Variants in IL1RAPL1 observed in about 807,000 individuals in gnomAD.
IL1RAPL1 encodes interleukin 1 receptor accessory protein like 1.
IL1RAPL1 carries 3 observed loss-of-function variants against 48.4 expected under a neutral mutation model. That is an observed-to-expected ratio of 0.06 (90% CI 0.03 to 0.16). IL1RAPL1 has a LOEUF of 0.16. Ranked by LOEUF, IL1RAPL1 falls within the 10% of genes least tolerant of loss-of-function variation. The pLI, the probability that IL1RAPL1 is intolerant of heterozygous loss-of-function variation, is 1.00. For synonymous variants in IL1RAPL1, 185 were observed against 187.7 expected, an observed-to-expected ratio of 0.99 and a Z score of 0.12; for missense variants, 349 against 530.6, an observed-to-expected ratio of 0.66 and a Z score of 3.36.
intron 6 of IL1RAPL1, among the ~76,000 whole-genome samples, chrX:29,705,606 A>T (rs1927172078): frequency 1.8e-5 from 2 of 112,363 alleles, no homozygotes; most frequent in South Asian, 3.7e-4. Context: ...GCAGACTAAC[A>T]TTCACAGTCA....
At chrX:29,057,429 T>C (rs971883299) in intron 2 of IL1RAPL1, among the ~76,000 whole-genome samples, 1 of 107,037 alleles carries the variant, frequency 9.3e-6, no homozygotes, top group Admixed American at 1.0e-4. Context: ...TTTTTTTTTC[T>C]TTTTTTTTCT....
At chrX:29,701,993 G>T (rs1927063802) in intron 6 of IL1RAPL1, among the ~76,000 whole-genome samples, 1 of 111,746 alleles carries the variant, frequency 8.9e-6, no homozygotes, top group Admixed American at 9.4e-5. Context: ...GGTGGCTCAT[G>T]CCTGTAATCC....
intron 2 of IL1RAPL1, among the ~76,000 whole-genome samples, chrX:29,173,650 G>A (rs775566042): frequency 8.9e-6 from 1 of 111,829 alleles, no homozygotes; most frequent in Non-Finnish European, 1.9e-5. Context: ...AGAGGAAATT[G>A]GTTGTGAAGA....
At chrX:28,978,969 A>T (rs1231431159) in intron 2 of IL1RAPL1, among the ~76,000 whole-genome samples, 1 of 111,929 alleles carries the variant, frequency 8.9e-6, no homozygotes, top group Non-Finnish European at 1.9e-5. Flanking sequence ...ACTAGATGGA[A>T]TCATCTGGAG....
rs1403013973 is a variant in IL1RAPL1 at position 29,701,566 on chromosome X, T to C, written c.778+33062T>C. Among the ~76,000 whole-genome samples the C allele has an allele frequency of 2.7e-5, 3 of 112,126 alleles. No individual in the cohort carries two copies. The Admixed American group carries it at 2.8e-4, about 11-fold the overall frequency. On this transcript the variant is annotated intron_variant, in intron 6 of 10. Coordinates refer to ENST00000378993, the MANE Select transcript of IL1RAPL1 (RefSeq NM_014271.4). ...AGTGGATAACTCAAAAGAATCTTCA[T>C]GTCTTTGAAGACTTCACCCACTTTG...
At chrX:28,741,451 C>T (rs1193921876) in intron 1 of IL1RAPL1, among the ~76,000 whole-genome samples, 1 of 111,641 alleles carries the variant, frequency 9.0e-6, no homozygotes, top group African/African-American at 3.3e-5. Context: ...AGACCTTTGT[C>T]AGATGGATAG....
chrX:29,634,669 C>G (rs868594482), intron 5 of IL1RAPL1, among the ~76,000 whole-genome samples: 7 of 111,197 alleles, frequency 6.3e-5, no homozygotes, highest in Middle Eastern at 4.6e-3. Flanking sequence ...ATGAAAATAT[C>G]AAAACTTCCC....
At chrX:29,802,997 G>GTGTACATA (rs1569173329) in intron 6 of IL1RAPL1, among the ~76,000 whole-genome samples, 2 of 42,108 alleles carry the variant, frequency 4.7e-5, no homozygotes, top group African/African-American at 2.2e-4. Flanking sequence ...ACATATATAT[G>GTGTACATA]TATGCATATA....
At chrX:29,373,845 G>T (rs868651980) in intron 3 of IL1RAPL1, among the ~76,000 whole-genome samples, 1 of 51,298 alleles carries the variant, frequency 1.9e-5, no homozygotes, top group African/African-American at 7.2e-5. Context: ...TTAATGTTTT[G>T]TTGTGATGAC....
At chrX:28,857,284 G>A (rs1226020801) in intron 2 of IL1RAPL1, among the ~76,000 whole-genome samples, 1 of 112,300 alleles carries the variant, frequency 8.9e-6, no homozygotes, top group Non-Finnish European at 1.9e-5. Context: ...AAGAGCTGTT[G>A]TAGAAGCTGC....
intron 5 of IL1RAPL1, among the ~76,000 whole-genome samples, chrX:29,428,923 T>C (rs1369584218): frequency 8.9e-6 from 1 of 111,928 alleles, no homozygotes; most frequent in East Asian, 2.8e-4. Flanking sequence ...AATTGAACTT[T>C]CTTTAGTGTA....
intron 1 of IL1RAPL1, among the ~76,000 whole-genome samples, chrX:28,761,963 A>G (rs769037734): frequency 1.8e-5 from 2 of 111,756 alleles, no homozygotes; most frequent in African/African-American, 3.2e-5. Context: ...TATCTATAAT[A>G]TGAGTCTAAT....
chrX:29,498,946 G>A (rs1263183935), intron 5 of IL1RAPL1, among the ~76,000 whole-genome samples: 1 of 112,079 alleles, frequency 8.9e-6, no homozygotes, highest in Non-Finnish European at 1.9e-5. Context: ...CAGATGAATA[G>A]CAGCAATAAA....
rs1448891950 is a variant in IL1RAPL1 at position 29,236,554 on chromosome X, T to C, written c.83-46384T>C. 5.7e-3 allele frequency among the ~76,000 whole-genome samples: 215 copies of C among 37,443 alleles called. 2 individuals carry two copies. The highest frequency in any genetic ancestry group is 0.011 in the African/African-American group (194 of 17,436). 32.5% of individuals were successfully genotyped at this position (37,443 alleles called of 115,157 possible). A position where few individuals can be genotyped will look rare whatever the true frequency, so the allele number is the denominator to read the frequency against. On this transcript the variant is annotated intron_variant, in intron 2 of 10. Transcript: ENST00000378993. Reference sequence around the variant, plus strand: ...CTTTTTCTTTTTTTTTCTTTTTTTTTTTTTTTTTTTTTTTTTGAGATGGAG... The same window carrying C: ...CTTTTTCTTTTTTTTTCTTTTTTTTCTTTTTTTTTTTTTTTTGAGATGGAG...
chrX:29,169,009 ATG>A (rs1929860168), intron 2 of IL1RAPL1, among the ~76,000 whole-genome samples: 1 of 105,507 alleles, frequency 9.5e-6, no homozygotes, highest in Non-Finnish European at 1.9e-5. Context: ...ATGAATATAT[ATG>A]ATAAATGTGA....
At chrX:29,944,876 C>T (rs978979370) in intron 9 of IL1RAPL1, among the ~76,000 whole-genome samples, 4 of 110,659 alleles carry the variant, frequency 3.6e-5, no homozygotes, top group African/African-American at 1.3e-4. Flanking sequence ...AGATGTTTCT[C>T]CCTTGGGAAT....
chrX:28,714,378 A>C (rs1368283390), intron 1 of IL1RAPL1, among the ~76,000 whole-genome samples: 1 of 111,988 alleles, frequency 8.9e-6, no homozygotes, highest in Non-Finnish European at 1.9e-5. Flanking sequence ...TCTATCCCCA[A>C]AACATGCAGA....
intron 5 of IL1RAPL1, among the ~76,000 whole-genome samples, chrX:29,545,241 A>G (rs778348604): frequency 1.0e-4 from 11 of 106,044 alleles, no homozygotes; most frequent in African/African-American, 3.8e-4. Context: ...CTATCTATCT[A>G]TTGGACAACA....
At chrX:29,641,289 G>A (rs1250665642) in intron 5 of IL1RAPL1, among the ~76,000 whole-genome samples, 1 of 113,019 alleles carries the variant, frequency 8.8e-6, no homozygotes, top group Non-Finnish European at 1.9e-5. Flanking sequence ...TCTCATACTT[G>A]TTTGCTTATC....
Sources: gnomAD v4.1 joint callset for allele counts (sites outside exome capture counted in the v4.1 genomes callset) on GRCh38, gnomAD v4.1.1 for gene constraint, MANE v1.5 for transcripts, NCBI Gene and HGNC (gene_info 2026-07-23, HGNC 2026-07-21) for gene names.